Variants in AACS observed in about 807,000 individuals in gnomAD.
AACS encodes the protein acetoacetate-CoA ligase.
AACS carries 69 observed loss-of-function variants against 83.1 expected under a neutral mutation model. The ratio of observed to expected loss-of-function variants is 0.83; its 90% confidence interval spans 0.68 to 1.01. The LOEUF (loss-of-function observed/expected upper bound fraction) is 1.01. Ranked by LOEUF, AACS falls within the 50% of genes least tolerant of loss-of-function variation. The pLI is 0.00. For missense variants in AACS, 866 were observed against 882.2 expected (o/e 0.98, Z 0.23); for synonymous variants, 333 against 343.4 (o/e 0.97, Z 0.33).
intron 1 of AACS, among the ~76,000 whole-genome samples, chr12:125,072,115 C>T (rs1018037247): frequency 2.6e-5 from 4 of 151,336 alleles, no homozygotes; most frequent in African/African-American, 9.7e-5. Context: ...TCTCGGCCTC[C>T]CAAAGGGTTG....
intron 3 of AACS, among the ~76,000 whole-genome samples, chr12:125,085,804 G>A (rs920520366): frequency 9.9e-5 from 15 of 151,942 alleles, no homozygotes; most frequent in Admixed American, 6.6e-4. Flanking sequence ...AAGCATTCCC[G>A]GTAGAAAATC....
At chr12:125,091,898 C>T (rs1956494372) in intron 5 of AACS, among the ~76,000 whole-genome samples, 2 of 152,214 alleles carry the variant, frequency 1.3e-5, no homozygotes, top group African/African-American at 2.4e-5. Context: ...TTCTCAAAGT[C>T]CTGCCTGCAG....
At chr12:125,076,944 C>T (rs1956039508) in intron 3 of AACS, among the ~76,000 whole-genome samples, 1 of 152,088 alleles carries the variant, frequency 6.6e-6, no homozygotes, top group Non-Finnish European at 1.5e-5. Flanking sequence ...GGTGTGGTGG[C>T]CCAGGCTGGA....
intron 9 of AACS, among the ~76,000 whole-genome samples, chr12:125,115,992 C>G (rs1957045766): frequency 6.6e-6 from 1 of 152,172 alleles, no homozygotes; most frequent in Non-Finnish European, 1.5e-5. Context: ...AGAGGCCCCT[C>G]CCTGCTCTCT....
chr12:125,072,771 T>A (rs576534905), intron 1 of AACS, among the ~76,000 whole-genome samples: 1 of 152,178 alleles, frequency 6.6e-6, no homozygotes, highest in Non-Finnish European at 1.5e-5. Context: ...TACATCTCTT[T>A]GTGTCAAGTT....
chr12:125,085,935 G>A lies in AACS; in HGVS notation c.359-395G>A, dbSNP rs146009669. On this transcript the variant is annotated intron_variant, in intron 3 of 17. Transcript: ENST00000316519. ...CTCCCAAGTAGCTGGGACTACAGAC[G>A]TGTGCCACTATGCCTGGCTAATTTT... is the stretch of plus-strand genomic sequence containing the variant. Among the ~76,000 whole-genome samples, 661 of 152,162 alleles carry A rather than the reference G, an allele frequency of 4.3e-3. 4 individuals carry two copies. The highest frequency in any genetic ancestry group is 0.014 in the Middle Eastern group (4 of 294).
chr12:125,083,647 A>C (rs1956257235), intron 3 of AACS, among the ~76,000 whole-genome samples: 1 of 151,804 alleles, frequency 6.6e-6, no homozygotes, highest in Non-Finnish European at 1.5e-5. Context: ...AAAAGAAGTG[A>C]ATTTTTTTGT....
At chr12:125,135,779 C>G (rs1485502637) in intron 16 of AACS, 3 of 152,282 alleles carry the variant, frequency 2.0e-5, no homozygotes, top group Non-Finnish European at 4.4e-5. Context: ...CAGGGTCTTA[C>G]TCTCTTCACA....
chr12:125,118,857 C>A, intron 10 of AACS, 92 bp downstream of exon 10: 1 of 1,525,162 alleles, frequency 6.6e-7, no homozygotes, highest in Non-Finnish European at 8.8e-7. Flanking sequence ...TGCCTTCTAC[C>A]GTGGTCGGGG....
intron 1 of AACS, among the ~76,000 whole-genome samples, chr12:125,066,731 G>A (rs1955710578): frequency 6.6e-6 from 1 of 152,080 alleles, no homozygotes; most frequent in Non-Finnish European, 1.5e-5. Flanking sequence ...TTACAGGTGT[G>A]AGCCACGGCG....
intron 4 of AACS, chr12:125,091,043 C>T (rs1187539632): frequency 7.7e-6 from 2 of 260,740 alleles, no homozygotes; most frequent in East Asian, 1.6e-4. Context: ...GATGAGCGCA[C>T]ACTGAGTGGA....
At chr12:125,090,251 A>C (rs1956448274) in intron 4 of AACS, among the ~76,000 whole-genome samples, 1 of 59,648 alleles carries the variant, frequency 1.7e-5, no homozygotes, top group Non-Finnish European at 3.6e-5. Context: ...CCCATCATCT[A>C]CCCATTCATC....
chr12:125,122,721 G>C (rs1460959853), intron 10 of AACS: 1 of 151,902 alleles, frequency 6.6e-6, no homozygotes, highest in East Asian at 1.9e-4. Context: ...CAGAAGCTGA[G>C]AGACTCAGGT....
rs570613546 is a variant in AACS at position 125,093,642 on chromosome 12, G to A, written c.570+2119G>A. Among the ~76,000 whole-genome samples, 8 of 152,350 alleles carry A rather than the reference G, an allele frequency of 5.3e-5. No individual in the cohort carries two copies. The South Asian group carries it at 1.4e-3, about 28-fold the overall frequency. On this transcript the variant is annotated intron_variant, in intron 5 of 17. Coordinates refer to ENST00000316519, the MANE Select transcript of AACS (RefSeq NM_023928.5). ...TGCTGGGCGCACTAGATGGCAGCAT[G>A]GCTCTGCTCACCCCATGGCTCCCGC...
chr12:125,073,905 G>A lies in AACS; in HGVS notation c.163G>A (p.Val55Ile), dbSNP rs772050404. 2.2e-5 allele frequency: 36 copies of A among 1,613,920 alleles called. No individual in the cohort carries two copies. In the South Asian group the frequency reaches 2.7e-4, roughly 12 times the overall value. ...TTATGATGACTTGTACCATTGGTCCGTTGAGTCATATTCAGACTTCTGGGC... is the reference window on the plus strand; with the variant it reads ...TTATGATGACTTGTACCATTGGTCCATTGAGTCATATTCAGACTTCTGGGC... ...ESYDDLYHWS[V>I]ESYSDFWAEF... The change falls in exon 2 of 18, where the codon GTT (valine) becomes ATT (isoleucine). Residue 55 changes from valine (V) to isoleucine (I), a missense_variant. Coordinates refer to ENST00000316519, the MANE Select transcript of AACS (RefSeq NM_023928.5).
At chr12:125,103,484 CATGT>C (rs1468967169) in intron 7 of AACS, among the ~76,000 whole-genome samples, 1 of 152,172 alleles carries the variant, frequency 6.6e-6, no homozygotes, top group Non-Finnish European at 1.5e-5. Context: ...TGTACACATG[CATGT>C]GCATTTACAC....
chr12:125,073,470 T>G (rs1435600367), intron 1 of AACS, among the ~76,000 whole-genome samples: 6 of 152,192 alleles, frequency 3.9e-5, no homozygotes, highest in Non-Finnish European at 8.8e-5. Context: ...CTAAGCACTT[T>G]CTACATGTGC....
chr12:125,112,787 G>A (rs1215666168), intron 8 of AACS, among the ~76,000 whole-genome samples: 2 of 152,188 alleles, frequency 1.3e-5, no homozygotes, highest in Non-Finnish European at 1.5e-5. Context: ...CAGAAGGCAA[G>A]GAGGAGCAAG....
intron 8 of AACS, among the ~76,000 whole-genome samples, chr12:125,112,547 G>A (rs907000590): frequency 1.3e-5 from 2 of 152,048 alleles, no homozygotes; most frequent in African/African-American, 4.8e-5. Flanking sequence ...GGGCATGGTG[G>A]TGTGTGCCTG....
Sources: allele counts gnomAD v4.1 joint callset (sites outside exome capture counted in the v4.1 genomes callset), GRCh38; gene constraint gnomAD v4.1.1; transcripts MANE v1.5; gene names NCBI Gene and HGNC (gene_info 2026-07-23, HGNC 2026-07-21).